ADGRB3: variants seen among roughly 807,000 people sequenced by gnomAD.
ADGRB3 encodes the protein brain-specific angiogenesis inhibitor 3.
Under a neutral mutation model 193.4 loss-of-function variants are expected in ADGRB3, and 37 were observed. That is an observed-to-expected ratio of 0.19 (90% CI 0.15 to 0.25). ADGRB3 has a LOEUF of 0.25. Among genes scored for constraint, ADGRB3 ranks in the 10% least tolerant of loss-of-function variants. The pLI is 1.00. For missense variants in ADGRB3, 1,637 were observed against 1,852.9 expected (o/e 0.88, Z 2.14); for synonymous variants, 690 against 644.2 (o/e 1.07, Z -1.08).
intron 24 of ADGRB3, among the ~76,000 whole-genome samples, chr6:69,333,971 T>G (rs868821169): frequency 1.4e-5 from 1 of 72,716 alleles, no homozygotes; most frequent in Admixed American, 1.5e-4. Context: ...TAAAATAAAA[T>G]AAAATAAAAT....
At chr6:68,826,030 A>G in intron 3 of ADGRB3, among the ~76,000 whole-genome samples, 1 of 151,942 alleles carries the variant, frequency 6.6e-6, no homozygotes, top group Non-Finnish European at 1.5e-5. Context: ...TTTTGAATAA[A>G]TCATGCATTT....
Position 68,875,058 on chromosome 6 carries a change from CCTTT to C in ADGRB3, c.758-55495_758-55492del, listed in dbSNP as rs534745831. 9.5e-4 allele frequency among the ~76,000 whole-genome samples: 133 copies of C among 139,988 alleles called. 6 individuals carry two copies. The South Asian group carries it at 0.017, about 18-fold the overall frequency. 91.8% of individuals were successfully genotyped at this position (139,988 alleles called of 152,430 possible). ...TTCTTTCCTCCTTCCTTCCTTCCTTCCTTTCTTTCCTTCTTTCTTTCTTCTTTCA... is the reference window on the plus strand; with the variant it reads ...TTCTTTCCTCCTTCCTTCCTTCCTTCCTTTCCTTCTTTCTTTCTTCTTTCA... On this transcript the variant is annotated intron_variant, in intron 3 of 31. Coordinates refer to ENST00000370598, the MANE Select transcript of ADGRB3 (RefSeq NM_001704.3).
chr6:68,976,318 G>A (rs967446492), intron 10 of ADGRB3, among the ~76,000 whole-genome samples: 1 of 152,094 alleles, frequency 6.6e-6, no homozygotes, highest in Non-Finnish European at 1.5e-5. Flanking sequence ...AAATCTGAAA[G>A]TCAAATTCTG....
chr6:69,041,617 G>T (rs541221630), intron 13 of ADGRB3, among the ~76,000 whole-genome samples: 1 of 132,080 alleles, frequency 7.6e-6, no homozygotes, highest in African/African-American at 2.9e-5. Context: ...AAGATAGCTC[G>T]TAGGAATTTT....
intron 3 of ADGRB3, among the ~76,000 whole-genome samples, chr6:68,887,312 C>G (rs1012621462): frequency 1.3e-5 from 2 of 151,944 alleles, no homozygotes; most frequent in East Asian, 1.9e-4. Flanking sequence ...TCCTTGCAGT[C>G]TATTAGCTAG....
chr6:69,185,850 G>A (rs1193028614), intron 17 of ADGRB3, among the ~76,000 whole-genome samples: 1 of 152,022 alleles, frequency 6.6e-6, no homozygotes, highest in African/African-American at 2.4e-5. Flanking sequence ...TAAGAATCTG[G>A]TATCTAATTC....
At chr6:69,212,583 T>A (rs1364003850) in intron 17 of ADGRB3, among the ~76,000 whole-genome samples, 3 of 152,174 alleles carry the variant, frequency 2.0e-5, no homozygotes, top group Non-Finnish European at 4.4e-5. Context: ...CTTTTATTCC[T>A]CCAGACATTC....
chr6:69,115,319 A>C (rs541418046), intron 17 of ADGRB3, among the ~76,000 whole-genome samples: 2 of 152,340 alleles, frequency 1.3e-5, no homozygotes, highest in African/African-American at 2.4e-5. Context: ...GCTGGAAACC[A>C]TCATTCTCAG....
intron 24 of ADGRB3, among the ~76,000 whole-genome samples, chr6:69,335,092 T>G (rs1035806852): frequency 2.0e-5 from 3 of 151,944 alleles, no homozygotes; most frequent in Non-Finnish European, 2.9e-5. Context: ...TAAAAAGAGA[T>G]GAGATCATTG....
chr6:68,715,065 A>G (rs1339799907), intron 3 of ADGRB3, among the ~76,000 whole-genome samples: 1 of 151,878 alleles, frequency 6.6e-6, no homozygotes, highest in African/African-American at 2.4e-5. Context: ...TTGATTCATG[A>G]CAAAACACAA....
intron 3 of ADGRB3, among the ~76,000 whole-genome samples, chr6:68,745,979 G>A (rs992160287): frequency 2.0e-5 from 3 of 151,914 alleles, no homozygotes; most frequent in South Asian, 2.1e-4. Flanking sequence ...TTATTGATGG[G>A]CATATTTATT....
chr6:68,732,026 C>G (rs1765785438), intron 3 of ADGRB3, among the ~76,000 whole-genome samples: 1 of 151,628 alleles, frequency 6.6e-6, no homozygotes, highest in South Asian at 2.1e-4. Context: ...CTTATCTACT[C>G]ATGAACATAA....
intron 3 of ADGRB3, among the ~76,000 whole-genome samples, chr6:68,728,670 TC>T: frequency 6.6e-6 from 1 of 151,664 alleles, no homozygotes; most frequent in South Asian, 2.1e-4. Context: ...CCTGATAACA[TC>T]CTTATGATGT....
chr6:68,748,113 G>A (rs1429762664), intron 3 of ADGRB3, among the ~76,000 whole-genome samples: 1 of 152,082 alleles, frequency 6.6e-6, no homozygotes, highest in Non-Finnish European at 1.5e-5. Context: ...TGAGAATTCT[G>A]GGAGATACAA....
intron 17 of ADGRB3, among the ~76,000 whole-genome samples, chr6:69,187,944 A>G (rs1393929782): frequency 1.3e-5 from 2 of 152,196 alleles, no homozygotes; most frequent in African/African-American, 2.4e-5. Context: ...ATTTGGGGTC[A>G]TTCTGAAAGT....
intron 11 of ADGRB3, among the ~76,000 whole-genome samples, chr6:68,997,970 T>C (rs1769439484): frequency 1.3e-5 from 2 of 152,132 alleles, no homozygotes; most frequent in South Asian, 4.1e-4. Flanking sequence ...TGTAAGTATT[T>C]TAACTAACAA....
chr6:69,255,553 G>T (rs181276071), intron 20 of ADGRB3, among the ~76,000 whole-genome samples: 251 of 151,712 alleles, frequency 1.7e-3, no homozygotes, highest in African/African-American at 5.9e-3. Flanking sequence ...GGGGTTGTTT[G>T]TTTTTTTCTT....
Position 69,001,694 on chromosome 6 carries a change from A to G in ADGRB3, c.1929+7732A>G, listed in dbSNP as rs144262551. Among the ~76,000 whole-genome samples, 216 of 152,304 alleles carry G rather than the reference A, an allele frequency of 1.4e-3. 3 individuals are homozygous for G. In the South Asian group the frequency reaches 0.018, roughly 13 times the overall value. ...AAAGAAAATATTGGAAAAAATACAC[A>G]CATAGAAATGTCCACAGGTCCTCAC... On this transcript the variant is annotated intron_variant, in intron 11 of 31. Transcript: ENST00000370598.
intron 3 of ADGRB3, among the ~76,000 whole-genome samples, chr6:68,835,751 G>C (rs1768033507): frequency 6.6e-6 from 1 of 151,922 alleles, no homozygotes; most frequent in Admixed American, 6.5e-5. Flanking sequence ...TTCTGTTATG[G>C]ATTCTTCAAC....
Sources: gnomAD v4.1 joint callset for allele counts (sites outside exome capture counted in the v4.1 genomes callset) on GRCh38, gnomAD v4.1.1 for gene constraint, MANE v1.5 for transcripts, NCBI Gene and HGNC (gene_info 2026-07-23, HGNC 2026-07-21) for gene names.